C7orf78: variants seen among roughly 807,000 people sequenced by gnomAD.
The protein encoded by C7orf78 is chromosome 7 open reading frame 78, also known as putative uncharacterized protein C7orf78.
At chr7:12,484,457 T>C in the C7orf78 span, among the ~76,000 whole-genome samples, 2 of 152,226 alleles carry the variant, frequency 1.3e-5, no homozygotes, top group Non-Finnish European at 2.9e-5. Flanking sequence ...CTCTTCTTTC[T>C]ACAAATAACA....
the C7orf78 span, among the ~76,000 whole-genome samples, chr7:12,488,987 T>A: frequency 1.3e-5 from 2 of 151,776 alleles, no homozygotes. Flanking sequence ...TTGCCCTAGT[T>A]TGCCCTGGAA....
At chr7:12,524,664 G>T in the C7orf78 span, among the ~76,000 whole-genome samples, 2 of 152,128 alleles carry the variant, frequency 1.3e-5, no homozygotes, top group African/African-American at 4.8e-5. Context: ...CCAACATGGT[G>T]AAACCCCGTC....
chr7:12,495,197 T>G, the C7orf78 span, among the ~76,000 whole-genome samples: 26 of 152,344 alleles, frequency 1.7e-4, no homozygotes, highest in South Asian at 5.0e-3. Context: ...CACACTCATT[T>G]TTTTTCCTCA....
chr7:12,520,303 T>C, the C7orf78 span, among the ~76,000 whole-genome samples: 9 of 152,254 alleles, frequency 5.9e-5, no homozygotes, highest in Non-Finnish European at 1.3e-4. Flanking sequence ...AAGTGCCCGA[T>C]GCCTCTAGTC....
the C7orf78 span, among the ~76,000 whole-genome samples, chr7:12,505,207 A>AT: frequency 6.6e-6 from 1 of 152,226 alleles, no homozygotes; most frequent in South Asian, 2.1e-4. Context: ...CAAAAGGCGA[A>AT]TATAATTTTC....
the C7orf78 span, chr7:12,531,188 A>C: frequency 2.5e-6 from 1 of 395,942 alleles, no homozygotes; most frequent in Non-Finnish European, 4.5e-6. Context: ...ATTTTATCAT[A>C]TAAGTGCTCT....
the C7orf78 span, among the ~76,000 whole-genome samples, chr7:12,510,958 T>C: frequency 6.6e-6 from 1 of 152,234 alleles, no homozygotes; most frequent in Non-Finnish European, 1.5e-5. Flanking sequence ...ATAAAATCTT[T>C]GCCTAAACCA....
the C7orf78 span, among the ~76,000 whole-genome samples, chr7:12,504,771 GAC>G: frequency 6.6e-6 from 1 of 152,072 alleles, no homozygotes; most frequent in African/African-American, 2.4e-5. Context: ...CCTGCTAAAA[GAC>G]AGTGTTGAAT....
chr7:12,537,268 A>C, the C7orf78 span, among the ~76,000 whole-genome samples: 1 of 152,248 alleles, frequency 6.6e-6, no homozygotes, highest in South Asian at 2.1e-4. Context: ...GGCAGCAGAC[A>C]AGAGAAGAGA....
the C7orf78 span, among the ~76,000 whole-genome samples, chr7:12,536,596 T>A: frequency 6.6e-6 from 1 of 152,194 alleles, no homozygotes; most frequent in Admixed American, 6.5e-5. Context: ...GCAGCCAGGT[T>A]GAATTTCTCC....
the C7orf78 span, chr7:12,529,175 C>G: frequency 5.8e-5 from 23 of 393,758 alleles, no homozygotes; most frequent in East Asian, 8.3e-4. Context: ...AAGCATATAG[C>G]CGCTGCTTTT....
At chr7:12,489,916 A>G in the C7orf78 span, among the ~76,000 whole-genome samples, 1 of 152,254 alleles carries the variant, frequency 6.6e-6, no homozygotes, top group East Asian at 1.9e-4. Flanking sequence ...CATTTCATGG[A>G]AGACCCTGAG....
At chr7:12,514,855 CTT>C in the C7orf78 span, among the ~76,000 whole-genome samples, 1 of 152,060 alleles carries the variant, frequency 6.6e-6, no homozygotes, top group Non-Finnish European at 1.5e-5. Context: ...CTGGGAAAGA[CTT>C]TATTTATCCT....
the C7orf78 span, chr7:12,525,892 C>T: frequency 2.0e-5 from 8 of 396,756 alleles, no homozygotes; most frequent in Non-Finnish European, 3.6e-5. Context: ...TAAATCACAA[C>T]ACTTAAGTAC....
the C7orf78 span, among the ~76,000 whole-genome samples, chr7:12,517,240 C>T: frequency 5.9e-5 from 9 of 151,906 alleles, no homozygotes; most frequent in East Asian, 1.9e-4. Flanking sequence ...CAGGGGTGTC[C>T]GCTTTTGCAT....
chr7:12,488,201 T>A, the C7orf78 span, among the ~76,000 whole-genome samples: 1 of 152,058 alleles, frequency 6.6e-6, no homozygotes. Flanking sequence ...CATAAAACTT[T>A]CAAACATTGC....
chr7:12,492,691 A>G, the C7orf78 span, among the ~76,000 whole-genome samples: 2 of 152,236 alleles, frequency 1.3e-5, no homozygotes, highest in African/African-American at 4.8e-5. Context: ...CAAATGTTCA[A>G]CAACAGGTAT....
the C7orf78 span, among the ~76,000 whole-genome samples, chr7:12,526,360 C>T: frequency 6.6e-6 from 1 of 152,196 alleles, no homozygotes; most frequent in East Asian, 1.9e-4. Flanking sequence ...ATAACATACA[C>T]ACATGCATGC....
At chr7:12,531,121 A>G in the C7orf78 span, 6 of 398,292 alleles carry the variant, frequency 1.5e-5, no homozygotes, top group African/African-American at 1.2e-4. Flanking sequence ...ATTTGTTGTT[A>G]GATACTTATA....
Sources: gnomAD v4.1 joint callset for allele counts (sites outside exome capture counted in the v4.1 genomes callset) on GRCh38, gnomAD v4.1.1 for gene constraint, MANE v1.5 for transcripts, NCBI Gene and HGNC (gene_info 2026-07-23, HGNC 2026-07-21) for gene names.